The following PTPRD variants were observed in gnomAD, a reference collection of about 807,000 sequenced individuals.
PTPRD encodes protein tyrosine phosphatase receptor type D.
A neutral mutation model predicts 214.5 loss-of-function variants in PTPRD; 34 were observed. That is an observed-to-expected ratio of 0.16 (90% CI 0.12 to 0.21). The LOEUF (loss-of-function observed/expected upper bound fraction) is 0.21, where lower values mean the gene tolerates loss of function less well. PTPRD is among the 10% of genes least tolerant of loss of function. PTPRD has a pLI of 1.00. For synonymous variants in PTPRD, 1,128 were observed against 845.7 expected, an observed-to-expected ratio of 1.33 and a Z score of -5.79; for missense variants, 2,545 against 2,398.7, an observed-to-expected ratio of 1.06 and a Z score of -1.27.
At chr9:9,814,795 CTTTTTTT>C (rs34270280) in intron 5 of PTPRD, among the ~76,000 whole-genome samples, 2 of 106,382 alleles carry the variant, frequency 1.9e-5, no homozygotes, top group Non-Finnish European at 1.8e-5. Context: ...ACCAAAGTGA[CTTTTTTT>C]TTTTTTTTTT....
chr9:10,339,681 G>A (rs2096904487), intron 3 of PTPRD, among the ~76,000 whole-genome samples: 1 of 151,624 alleles, frequency 6.6e-6, no homozygotes, highest in South Asian at 2.1e-4. Flanking sequence ...AGAAACCCGG[G>A]TGATTACAGC....
At chr9:9,899,634 G>A (rs1156659543) in intron 5 of PTPRD, among the ~76,000 whole-genome samples, 1 of 151,884 alleles carries the variant, frequency 6.6e-6, no homozygotes, top group Non-Finnish European at 1.5e-5. Context: ...ATGGAAAACA[G>A]TATGGAGGTT....
intron 4 of PTPRD, among the ~76,000 whole-genome samples, chr9:9,972,193 C>T (rs973320672): frequency 3.9e-5 from 6 of 152,048 alleles, no homozygotes; most frequent in Non-Finnish European, 8.8e-5. Flanking sequence ...AATTATCAAG[C>T]GCATCTTAAC....
intron 2 of PTPRD, among the ~76,000 whole-genome samples, chr9:10,453,148 T>C (rs1401614625): frequency 1.3e-5 from 2 of 151,704 alleles, no homozygotes; most frequent in African/African-American, 4.8e-5. Context: ...ATTTTATTTC[T>C]GTCTCCATAT....
At chr9:8,565,883 A>G (rs2088839253) in intron 14 of PTPRD, among the ~76,000 whole-genome samples, 1 of 152,192 alleles carries the variant, frequency 6.6e-6, no homozygotes, top group Non-Finnish European at 1.5e-5. Context: ...ACAGAAATAG[A>G]AAGTTGCAGT....
chr9:9,838,757 A>G (rs909256025), intron 5 of PTPRD, among the ~76,000 whole-genome samples: 4 of 150,426 alleles, frequency 2.7e-5, no homozygotes, highest in Non-Finnish European at 4.4e-5. Context: ...CTGTGCAGAA[A>G]CTCTTTAGTT....
chr9:8,901,149 G>A (rs929643069), intron 11 of PTPRD, among the ~76,000 whole-genome samples: 2 of 152,148 alleles, frequency 1.3e-5, no homozygotes, highest in East Asian at 3.9e-4. Context: ...AGTTTTCAGT[G>A]AGCTTCATGG....
chr9:10,604,700 C>A (rs1014827639), intron 2 of PTPRD, among the ~76,000 whole-genome samples: 1 of 151,694 alleles, frequency 6.6e-6, no homozygotes, highest in African/African-American at 2.4e-5. Flanking sequence ...AGAGGAGTTG[C>A]CACTGGAATT....
At chr9:9,690,089 C>A (rs1205376316) in intron 7 of PTPRD, among the ~76,000 whole-genome samples, 3 of 151,886 alleles carry the variant, frequency 2.0e-5, no homozygotes, top group Non-Finnish European at 4.4e-5. Flanking sequence ...AGTAGCTGTA[C>A]TAATTTATAC....
chr9:10,343,406 T>C (rs548730885), intron 2 of PTPRD, among the ~76,000 whole-genome samples: 1 of 152,292 alleles, frequency 6.6e-6, no homozygotes, highest in East Asian at 1.9e-4. Context: ...GTTCCAAGTC[T>C]TTGCTGTTGT....
At chr9:9,348,604 T>C (rs1351027270) in intron 9 of PTPRD, among the ~76,000 whole-genome samples, 2 of 152,094 alleles carry the variant, frequency 1.3e-5, no homozygotes, top group Non-Finnish European at 2.9e-5. Context: ...ACACACTGTG[T>C]AATGGGACGT....
chr9:9,826,671 G>T (rs928408529), intron 5 of PTPRD, among the ~76,000 whole-genome samples: 2 of 151,912 alleles, frequency 1.3e-5, no homozygotes, highest in East Asian at 3.9e-4. Context: ...CTTTAAGCAA[G>T]ATGTGTAATT....
intron 32 of PTPRD, among the ~76,000 whole-genome samples, chr9:8,461,135 G>C (rs909266579): frequency 2.6e-5 from 4 of 152,000 alleles, no homozygotes; most frequent in African/African-American, 9.7e-5. Context: ...ATATTAGTTA[G>C]GAAATGGAGG....
chr9:9,639,985 G>C (rs2095884192), intron 7 of PTPRD, among the ~76,000 whole-genome samples: 1 of 152,182 alleles, frequency 6.6e-6, no homozygotes, highest in Non-Finnish European at 1.5e-5. Context: ...AAACACCTAA[G>C]AAGGTAAACT....
intron 4 of PTPRD, among the ~76,000 whole-genome samples, chr9:9,945,276 T>C (rs1482140246): frequency 6.6e-6 from 1 of 152,062 alleles, no homozygotes; most frequent in Non-Finnish European, 1.5e-5. Flanking sequence ...GGAGAAAATA[T>C]GCCTGGAAGC....
chr9:9,672,559 A>G (rs995297265), intron 7 of PTPRD, among the ~76,000 whole-genome samples: 6 of 152,142 alleles, frequency 3.9e-5, no homozygotes, highest in African/African-American at 1.4e-4. Flanking sequence ...GGAATTCCCA[A>G]CCAATTTAAC....
intron 10 of PTPRD, among the ~76,000 whole-genome samples, chr9:9,031,203 T>C (rs539918943): frequency 9.3e-6 from 1 of 107,954 alleles, no homozygotes; most frequent in Non-Finnish European, 2.0e-5. Flanking sequence ...TATAAATACT[T>C]ACTAGTATTA....
intron 3 of PTPRD, among the ~76,000 whole-genome samples, chr9:10,337,890 G>C (rs988830105): frequency 6.6e-6 from 1 of 151,558 alleles, no homozygotes; most frequent in Non-Finnish European, 1.5e-5. Flanking sequence ...TCCTTGCCAA[G>C]CTGTTTCCCA....
intron 9 of PTPRD, among the ~76,000 whole-genome samples, chr9:9,233,277 C>G (rs1038677935): frequency 1.4e-4 from 21 of 152,062 alleles, no homozygotes; most frequent in African/African-American, 5.1e-4. Context: ...ATCTTCTTAC[C>G]AAACCATCAG....
Sources: gnomAD v4.1 joint callset for allele counts (sites outside exome capture counted in the v4.1 genomes callset) on GRCh38, gnomAD v4.1.1 for gene constraint, MANE v1.5 for transcripts, NCBI Gene and HGNC (gene_info 2026-07-23, HGNC 2026-07-21) for gene names.